Variants in BRSK2 observed in about 807,000 individuals in gnomAD.
BRSK2 encodes the protein serine/threonine-protein kinase BRSK2.
BRSK2 carries 19 observed loss-of-function variants against 83.3 expected under a neutral mutation model. The ratio of observed to expected loss-of-function variants is 0.23; its 90% CI spans 0.16 to 0.33. The LOEUF is 0.33. Ranked by LOEUF, BRSK2 falls within the 10% of genes least tolerant of loss-of-function variation. The pLI is 1.00. For missense variants in BRSK2, 798 were observed against 1,042.3 expected (o/e 0.77, Z 3.23); for synonymous variants, 519 against 435.4 (o/e 1.19, Z -2.39).
intron 1 of BRSK2, among the ~76,000 whole-genome samples, chr11:1,414,788 G>T (rs1245690316): frequency 1.3e-5 from 2 of 152,174 alleles, no homozygotes; most frequent in African/African-American, 2.4e-5. Context: ...TCCGTTTCTG[G>T]ACGTGTCACA....
Position 1,452,233 on chromosome 11 carries a change from A to G in BRSK2, c.1544+814A>G, listed in dbSNP as rs115070141. Among the ~76,000 whole-genome samples the G allele has an allele frequency of 7.1e-3, 1,085 of 152,310 alleles. 15 individuals carry two copies. Among genetic ancestry groups the G allele is most frequent in the African/African-American group, 0.025 (1,046 of 41,572 alleles). ...CCAGGGGCCCCTGTGGAAACTGCTC[A>G]GTGCTAAGCCCCAGGAGCAGCATCT... On this transcript the variant is annotated intron_variant, in intron 15 of 19. Coordinates refer to ENST00000528841, the MANE Select transcript of BRSK2 (RefSeq NM_001256627.2).
intron 8 of BRSK2, among the ~76,000 whole-genome samples, chr11:1,444,402 C>T (rs1851743199): frequency 6.6e-6 from 1 of 152,154 alleles, no homozygotes; most frequent in African/African-American, 2.4e-5. Flanking sequence ...GTGGCCACTG[C>T]CTCACACCCC....
At chr11:1,394,643 C>T (rs534513620) in intron 1 of BRSK2, among the ~76,000 whole-genome samples, 4 of 93,458 alleles carry the variant, frequency 4.3e-5, no homozygotes, top group South Asian at 4.5e-4. Context: ...TGGAGATGGG[C>T]CATGGAGATG....
intron 3 of BRSK2, among the ~76,000 whole-genome samples, chr11:1,440,372 G>A (rs1003699302): frequency 8.5e-5 from 13 of 152,072 alleles, no homozygotes; most frequent in East Asian, 1.9e-4. Context: ...CTCCCTGCTC[G>A]GTGCCTGTGC....
intron 18 of BRSK2, chr11:1,457,108 C>A: frequency 7.0e-7 from 1 of 1,429,336 alleles, no homozygotes; most frequent in Non-Finnish European, 9.4e-7. Context: ...CTCGGCGGAG[C>A]CAGGCTGGCC....
At position 1,456,594 on chromosome 11, in the gene BRSK2, C is replaced by G. The variant is rs746263893; in HGVS notation, c.1850-4C>G. The G allele has an allele frequency of 2.5e-6, 4 of 1,610,016 alleles. No homozygotes were observed. The highest frequency in any genetic ancestry group is 2.7e-5 in the African/African-American group (2 of 74,922). ...TCCAGGGCATAACCCCCTGTCTCCC[C>G]TAGGCCCCAGCCGTCGCTTCAAGAG... On this transcript the variant is annotated splice_region_variant and splice_polypyrimidine_tract_variant and intron_variant, in intron 17 of 19. Coordinates refer to ENST00000528841, the MANE Select transcript of BRSK2 (RefSeq NM_001256627.2).
chr11:1,460,453 CTTTTTTCCTTTTTTTTT>C (rs1847301389), intron 19 of BRSK2, 30 bp from the exon 20 acceptor site: 3 of 1,143,992 alleles, frequency 2.6e-6, no homozygotes, highest in Non-Finnish European at 3.3e-6. Context: ...CCTTTTTTTT[CTTTTTTCCTTTTTTTTT>C]TTTTTTTTGT....
rs1449135143 is a variant in BRSK2 at position 1,454,634 on chromosome 11, G to A, written c.1668+26G>A. The A allele has an allele frequency of 1.9e-6, 3 of 1,611,166 alleles. No homozygotes were observed. Among genetic ancestry groups the A allele is most frequent in the Non-Finnish European group, 2.5e-6 (3 of 1,179,494 alleles). On this transcript the variant is annotated intron_variant, in intron 16 of 19. Transcript: ENST00000528841. The surrounding 1 kb of genome is among the most constrained non-coding windows in gnomAD (Gnocchi z 5.2). ...GTGAGGCCACAGGGCGCTGGGGGAG[G>A]CGGGCAGCCCTCCCAACCCCACACG...
Position 1,460,937 on chromosome 11 carries a change from T to C in BRSK2, c.*214T>C, listed in dbSNP as rs748417061. 6.2e-7 allele frequency: 1 copy of C among 1,612,186 alleles called. No homozygotes were observed. The highest frequency in any genetic ancestry group is 1.3e-5 in the African/African-American group (1 of 74,908). Reference sequence around the variant, plus strand: ...CTCTGTCTCTGCCTCTGCCTGTCTCTGACAGCATCGCTTGTTTCCACTCTG... The same window carrying C: ...CTCTGTCTCTGCCTCTGCCTGTCTCCGACAGCATCGCTTGTTTCCACTCTG... On this transcript the variant is annotated 3_prime_UTR_variant, in exon 20 of 20. Transcript: ENST00000528841.
At chr11:1,441,037 C>T (rs995333580) in intron 4 of BRSK2, 109 bp downstream of exon 4, 24 of 931,884 alleles carry the variant, frequency 2.6e-5, no homozygotes, top group East Asian at 1.9e-4. Flanking sequence ...GGTGCTATTC[C>T]GAGGTACACC....
chr11:1,445,786 A>G lies in BRSK2; in HGVS notation c.1105A>G (p.Met369Val). 1.9e-6 allele frequency: 3 copies of G among 1,612,392 alleles called. No homozygotes were observed. The highest frequency in any genetic ancestry group is 1.7e-6 in the Non-Finnish European group (2 of 1,179,642). ...DPPRKRVDSP[M>V]LNRHGKRRPE... Reference sequence around the variant, plus strand: ...TCCCCGGAAGCGTGTGGACTCCCCGATGCTGAACCGGCACGGCAAGCGGCG... The same window carrying G: ...TCCCCGGAAGCGTGTGGACTCCCCGGTGCTGAACCGGCACGGCAAGCGGCG... The change falls in exon 12 of 20, where the codon ATG becomes GTG. Residue 369 changes from methionine (M) to valine (V), a missense_variant. Around this residue, in one of 6 missense-constraint regions of BRSK2, gnomAD observed 145 missense variants for 225.4 expected, o/e 0.64. Coordinates refer to ENST00000528841, the MANE Select transcript of BRSK2 (RefSeq NM_001256627.2).
chr11:1,419,599 A>G (rs1848453250), intron 1 of BRSK2, among the ~76,000 whole-genome samples: 1 of 152,220 alleles, frequency 6.6e-6, no homozygotes, highest in Non-Finnish European at 1.5e-5. Context: ...CACTGGTGCA[A>G]TCAACAGAAT....
At chr11:1,459,426 G>A (rs953706984) in intron 19 of BRSK2, 187 bp downstream of exon 19, 2 of 645,316 alleles carry the variant, frequency 3.1e-6, no homozygotes, top group Non-Finnish European at 5.5e-6. Context: ...CCCTACCACA[G>A]CAAGCCCAGG....
chr11:1,451,527 C>A, intron 15 of BRSK2, 108 bp downstream of exon 15: 1 of 1,162,556 alleles, frequency 8.6e-7, no homozygotes, highest in Non-Finnish European at 1.3e-6. Flanking sequence ...CTCCACGTGG[C>A]CCCACCTCCC....
intron 13 of BRSK2, 74 bp from the exon 14 acceptor site, chr11:1,450,513 C>T: frequency 2.8e-6 from 2 of 726,332 alleles, no homozygotes; most frequent in South Asian, 3.6e-5. Context: ...CTGGGCCCGC[C>T]TGCCCTGCGG....
At chr11:1,456,778 C>T (rs1009262159) in intron 18 of BRSK2, 91 bp downstream of exon 18, 18 of 1,398,390 alleles carry the variant, frequency 1.3e-5, no homozygotes, top group African/African-American at 5.7e-5. Context: ...AGGACCCGGG[C>T]GCAGCCTCCT....
Position 1,390,585 on chromosome 11 carries a change from C to A in BRSK2, c.91+210C>A, listed in dbSNP as rs1845659410. Among the ~76,000 whole-genome samples the A allele has an allele frequency of 7.0e-6, 1 of 142,978 alleles. No individual in the cohort carries two copies. Among genetic ancestry groups the A allele is most frequent in the Non-Finnish European group, 1.5e-5 (1 of 65,186 alleles). 93.8% of individuals were successfully genotyped at this position (142,978 alleles called of 152,430 possible). A position where few individuals can be genotyped will look rare whatever the true frequency, so the allele number is the denominator to read the frequency against. Reference sequence around the variant, plus strand: ...GGCCGCTTGGCTGCGGTCGGCCGGGCGCGGCCCAAGGACACGCGGCGCGGC... The same window carrying A: ...GGCCGCTTGGCTGCGGTCGGCCGGGAGCGGCCCAAGGACACGCGGCGCGGC... On this transcript the variant is annotated intron_variant, in intron 1 of 19. Transcript: ENST00000528841. The surrounding 1 kb of genome is among the most constrained non-coding windows in gnomAD (Gnocchi z 6.8).
intron 1 of BRSK2, among the ~76,000 whole-genome samples, chr11:1,400,306 C>A (rs1167814697): frequency 6.6e-6 from 1 of 152,164 alleles, no homozygotes; most frequent in Non-Finnish European, 1.5e-5. Context: ...GAGGCCCGGG[C>A]ATGGGGTGGG....
chr11:1,433,681 C>T (rs963497978), intron 1 of BRSK2, among the ~76,000 whole-genome samples: 3 of 152,256 alleles, frequency 2.0e-5, no homozygotes, highest in Admixed American at 6.5e-5. Flanking sequence ...CGCCTCCAGC[C>T]GCCCTGGATT....
Sources: gnomAD v4.1 joint callset for allele counts (sites outside exome capture counted in the v4.1 genomes callset) on GRCh38, gnomAD v4.1.1 for gene constraint, gnomAD v4.1.1 regional missense constraint, Gnocchi (gnomAD v3.1) non-coding constraint, MANE v1.5 for transcripts, NCBI Gene and HGNC (gene_info 2026-07-23, HGNC 2026-07-21) for gene names.